The following LRRC74A variants were observed in gnomAD, a reference collection of about 807,000 sequenced individuals.
LRRC74A encodes leucine rich repeat containing 74A.
A neutral mutation model predicts 57.9 loss-of-function variants in LRRC74A; 44 were observed. The observed-to-expected ratio is 0.76, with a 90% CI of 0.60 to 0.98. The LOEUF is 0.98. LRRC74A is among the 50% of genes least tolerant of loss of function. The probability of loss-of-function intolerance (pLI) is 0.00; values close to 1 mark genes in which losing one functional copy is unlikely to be tolerated. For synonymous variants in LRRC74A, 211 were observed against 219.4 expected (o/e 0.96, Z 0.34); for missense variants, 572 against 574.0 (o/e 1.00, Z 0.04).
At chr14:76,833,868 CAT>C (rs1896140338) in intron 3 of LRRC74A, among the ~76,000 whole-genome samples, 1 of 152,080 alleles carries the variant, frequency 6.6e-6, no homozygotes, top group African/African-American at 2.4e-5. Flanking sequence ...AGGAAAAAAA[CAT>C]AGTATATTTA....
chr14:76,826,763 C>T (rs943226601), intron 1 of LRRC74A, 29 bp downstream of exon 1: 1 of 1,430,354 alleles, frequency 7.0e-7, no homozygotes, highest in Non-Finnish European at 9.4e-7. Flanking sequence ...TCTCACCACT[C>T]AGGCCCGTCC....
At chr14:76,856,580 C>CTGGA (rs1340748521) in intron 9 of LRRC74A, among the ~76,000 whole-genome samples, 38 of 91,136 alleles carry the variant, frequency 4.2e-4, no homozygotes, top group Non-Finnish European at 4.0e-4. Flanking sequence ...AGATTGCTGG[C>CTGGA]TGGCTGGATG....
chr14:76,829,271 G>A (rs1444727481), intron 2 of LRRC74A: 3 of 1,048,214 alleles, frequency 2.9e-6, no homozygotes, highest in African/African-American at 1.6e-5. Flanking sequence ...GATGGAGGAA[G>A]GCCAGTTCTG....
intron 10 of LRRC74A, among the ~76,000 whole-genome samples, chr14:76,860,312 C>T (rs1392879849): frequency 6.6e-6 from 1 of 152,176 alleles, no homozygotes; most frequent in Non-Finnish European, 1.5e-5. Context: ...GGATCCTCTT[C>T]CAGGGCACTT....
intron 12 of LRRC74A, among the ~76,000 whole-genome samples, chr14:76,866,579 A>G (rs554847155): frequency 6.6e-6 from 1 of 152,232 alleles, no homozygotes; most frequent in East Asian, 1.9e-4. Context: ...AGGACTCCAG[A>G]GGAGAAGTTC....
At chr14:76,866,177 G>A (rs1455627303) in intron 12 of LRRC74A, 102 bp downstream of exon 12, 2 of 884,246 alleles carry the variant, frequency 2.3e-6, no homozygotes, top group African/African-American at 1.7e-5. Context: ...GAGCTTGTGA[G>A]CACTTCCTAG....
chr14:76,868,268 G>A (rs1366936146), intron 13 of LRRC74A, among the ~76,000 whole-genome samples: 1 of 152,136 alleles, frequency 6.6e-6, no homozygotes, highest in Non-Finnish European at 1.5e-5. Flanking sequence ...GTCGAGACAA[G>A]CCTGGGCAAG....
intron 5 of LRRC74A, among the ~76,000 whole-genome samples, chr14:76,843,854 G>A (rs1404710176): frequency 5.9e-5 from 9 of 151,794 alleles, no homozygotes; most frequent in South Asian, 4.2e-4. Context: ...ACAGGTGTGC[G>A]CCATCATGCC....
chr14:76,870,069 C>T, intron 13 of LRRC74A, 56 bp from the exon 14 acceptor site: 1 of 1,572,140 alleles, frequency 6.4e-7, no homozygotes, highest in African/African-American at 1.3e-5. Flanking sequence ...CATTCTCACC[C>T]ATCAGCCATG....
chr14:76,860,710 G>A lies in LRRC74A; in HGVS notation c.1071G>A (p.Glu357=), dbSNP rs746809278. The change falls in exon 11 of 14, where the codon GAG becomes GAA. Residue 357 remains glutamate, a synonymous_variant. Transcript: ENST00000689127. ...ELDISNVLVS[E]QFMKTLDGVY... ...TGTCACAGAACGTGCTGGTGTCCGA[G>A]CAGTTCATGAAAACGTTGGACGGAG... 7 of 1,611,252 alleles carry A rather than the reference G, an allele frequency of 4.3e-6. No individual in the cohort carries two copies. The highest frequency in any genetic ancestry group is 5.9e-6 in the Non-Finnish European group (7 of 1,178,384).
Position 76,860,821 on chromosome 14 carries a change from C to T in LRRC74A, c.1182C>T (p.Asn394=). ...SPKKTIFLLT[N]PMKLIQSYAD... is the part of the protein sequence containing the mutation. ...AGAAAACCATCTTCTTGTTGACAAA[C>T]CCCATGAAACTGATCCAGGTGAGCT... Residue 394 remains asparagine (N), a synonymous_variant, in exon 11 of 14, where the codon AAC becomes AAT. Coordinates refer to ENST00000689127, the MANE Select transcript of LRRC74A (RefSeq NM_001385106.1). 6.2e-7 allele frequency: 1 copy of T among 1,608,602 alleles called. No homozygotes were observed. The highest frequency in any genetic ancestry group is 8.5e-7 in the Non-Finnish European group (1 of 1,176,888).
chr14:76,838,589 A>G (rs1466960768), intron 5 of LRRC74A, among the ~76,000 whole-genome samples: 4 of 152,240 alleles, frequency 2.6e-5, no homozygotes, highest in Non-Finnish European at 5.9e-5. Flanking sequence ...ATTTGAACAA[A>G]TAACAGCTAA....
intron 9 of LRRC74A, among the ~76,000 whole-genome samples, chr14:76,855,502 GAAGTAA>G (rs1427110955): frequency 6.6e-6 from 1 of 152,194 alleles, no homozygotes; most frequent in Non-Finnish European, 1.5e-5. Flanking sequence ...AAATGTTTTA[GAAGTAA>G]AAGAGAAAAG....
intron 9 of LRRC74A, among the ~76,000 whole-genome samples, chr14:76,856,497 A>G (rs1042947378): frequency 6.7e-6 from 1 of 150,120 alleles, no homozygotes; most frequent in African/African-American, 2.5e-5. Context: ...CCTCTAATTA[A>G]TATGTGCTGG....
chr14:76,855,271 C>A (rs1364881887), intron 9 of LRRC74A, among the ~76,000 whole-genome samples: 3 of 152,108 alleles, frequency 2.0e-5, no homozygotes, highest in Non-Finnish European at 4.4e-5. Flanking sequence ...AGGCACAACT[C>A]AGACAGAGAC....
intron 3 of LRRC74A, among the ~76,000 whole-genome samples, chr14:76,833,980 T>C (rs1896146365): frequency 6.6e-6 from 1 of 152,198 alleles, no homozygotes; most frequent in African/African-American, 2.4e-5. Context: ...AGAATGTAAG[T>C]TCCTTGTATG....
chr14:76,859,662 CTTTTTTTTTTTT>C (rs1025552496), intron 10 of LRRC74A, among the ~76,000 whole-genome samples: 16 of 80,908 alleles, frequency 2.0e-4, no homozygotes, highest in African/African-American at 8.0e-4. Context: ...CTGAATTAGC[CTTTTTTTTTTTT>C]TTTTTTTTTT....
chr14:76,847,121 C>T (rs973415242), intron 7 of LRRC74A, among the ~76,000 whole-genome samples: 1 of 151,900 alleles, frequency 6.6e-6, no homozygotes, highest in African/African-American at 2.4e-5. Context: ...TGGCAGGAGC[C>T]GAGGAAGGGT....
rs778038565 is a variant in LRRC74A, at chr14:76,867,374, A to C, written c.1327A>C (p.Asn443His). ...VMIEQNKVPLNQYQVREVIKK... is the reference protein window; with the variant it reads ...VMIEQNKVPLHQYQVREVIKK... Reference sequence around the variant, plus strand: ...TCCTCAGCAAAACAAGGTCCCCCTGAACCAGTACCAGGTCAGGGAGGTGAT... The same window carrying C: ...TCCTCAGCAAAACAAGGTCCCCCTGCACCAGTACCAGGTCAGGGAGGTGAT... Residue 443 changes from asparagine (N) to histidine (H), a missense_variant, in exon 13 of 14, where the codon AAC becomes CAC. Transcript: ENST00000689127. 3.4e-5 allele frequency: 54 copies of C among 1,589,308 alleles called. No individual in the cohort carries two copies. Among genetic ancestry groups the C allele is most frequent in the Non-Finnish European group, 3.5e-6 (4 of 1,158,950 alleles).
Sources: allele counts gnomAD v4.1 joint callset (sites outside exome capture counted in the v4.1 genomes callset), GRCh38; gene constraint gnomAD v4.1.1; transcripts MANE v1.5; gene names NCBI Gene and HGNC (gene_info 2026-07-23, HGNC 2026-07-21).